Variants in KDM7A observed in about 807,000 individuals in gnomAD.
The protein encoded by KDM7A is lysine demethylase 7A.
KDM7A carries 28 observed loss-of-function variants against 114.8 expected under a neutral mutation model. The ratio of observed to expected loss-of-function variants is 0.24; its 90% confidence interval spans 0.18 to 0.33. The LOEUF is 0.33. Among genes scored for constraint, KDM7A ranks in the 10% least tolerant of loss-of-function variants. KDM7A has a pLI of 1.00. For synonymous variants in KDM7A, 423 were observed against 397.8 expected, an observed-to-expected ratio of 1.06 and a Z score of -0.75; for missense variants, 942 against 1,142.5, an observed-to-expected ratio of 0.82 and a Z score of 2.53.
chr7:140,147,683 A>G (rs1489583772), intron 1 of KDM7A, among the ~76,000 whole-genome samples: 1 of 152,214 alleles, frequency 6.6e-6, no homozygotes, highest in African/African-American at 2.4e-5. Flanking sequence ...CCGGGAATAC[A>G]GAGGATAGCT....
chr7:140,163,659 A>G (rs932519301), intron 1 of KDM7A, among the ~76,000 whole-genome samples: 5 of 152,122 alleles, frequency 3.3e-5, no homozygotes, highest in Non-Finnish European at 7.3e-5. Context: ...CAAAGGAAAC[A>G]TGGACCTTTC....
chr7:140,144,379 A>G (rs1794317141), intron 1 of KDM7A, among the ~76,000 whole-genome samples: 1 of 152,176 alleles, frequency 6.6e-6, no homozygotes, highest in Non-Finnish European at 1.5e-5. Context: ...TAAAGGTAAG[A>G]GCTAACACTA....
chr7:140,176,922 C>T lies in KDM7A; in HGVS notation c.16G>A (p.Ala6Thr). Residue 6 changes from alanine to threonine, a missense_variant, in exon 1 of 20, where the codon GCG (alanine) becomes ACG (threonine). By Grantham distance (58) the Ala-to-Thr change is moderately conservative. Coordinates refer to ENST00000397560, the MANE Select transcript of KDM7A (RefSeq NM_030647.2). The surrounding 1 kb of genome is among the most constrained non-coding windows in gnomAD (Gnocchi z 4.4). Reference sequence around the variant, plus strand: ...GCTGCTGCTCCCGCGGCCACCGCCGCCGCCGCTCCGGCCATCTTTAAAAAA... The same window carrying T: ...GCTGCTGCTCCCGCGGCCACCGCCGTCGCCGCTCCGGCCATCTTTAAAAAA... The part of the protein sequence containing the change: MAGAA[A>T]AVAAGAAAGA... 8.6e-7 allele frequency: 1 copy of T among 1,164,180 alleles called. No homozygotes were observed. Among genetic ancestry groups the T allele is most frequent in the Non-Finnish European group, 1.1e-6 (1 of 938,864 alleles). 72.1% of individuals were successfully genotyped at this position (1,164,180 alleles called of 1,614,324 possible). A position where few individuals can be genotyped will look rare whatever the true frequency, so the allele number is the denominator to read the frequency against.
chr7:140,114,315 G>A lies in KDM7A; in HGVS notation c.1247-733C>T, dbSNP rs558075027. On this transcript the variant is annotated intron_variant, in intron 9 of 19. Coordinates refer to ENST00000397560, the MANE Select transcript of KDM7A (RefSeq NM_030647.2). ...GCCGAGTGCCTGGGATTGCAGGCGCGCGCCACCACGCCTGATTGGTTTTCG... is the reference window on the plus strand; with the variant it reads ...GCCGAGTGCCTGGGATTGCAGGCGCACGCCACCACGCCTGATTGGTTTTCG... Among the ~76,000 whole-genome samples the A allele has an allele frequency of 2.8e-3, 425 of 152,192 alleles. 3 individuals are homozygous for A. Among genetic ancestry groups the A allele is most frequent in the African/African-American group, 9.6e-3 (400 of 41,522 alleles).
intron 1 of KDM7A, among the ~76,000 whole-genome samples, chr7:140,150,824 GTTC>G (rs1379755313): frequency 1.4e-5 from 2 of 140,494 alleles, no homozygotes; most frequent in Non-Finnish European, 3.1e-5. Flanking sequence ...AATAATCTCT[GTTC>G]TTTTTTTTTT....
intron 11 of KDM7A, among the ~76,000 whole-genome samples, chr7:140,110,205 CT>C: frequency 6.6e-6 from 1 of 152,110 alleles, no homozygotes; most frequent in Non-Finnish European, 1.5e-5. Flanking sequence ...AGAATCATAC[CT>C]TTCACAGTAA....
Position 140,170,183 on chromosome 7 carries a change from C to T in KDM7A, c.194+6561G>A, listed in dbSNP as rs952419593. Among the ~76,000 whole-genome samples the T allele has an allele frequency of 2.7e-5, 4 of 150,912 alleles. No individual in the cohort carries two copies. The East Asian group carries it at 7.7e-4, about 29-fold the overall frequency. On this transcript the variant is annotated intron_variant, in intron 1 of 19. Transcript: ENST00000397560. ...AAAATACACTCTAATAAAAAAAATC[C>T]ATTTATATAACAAGGATGAAAGCGG...
At chr7:140,142,033 A>AAAAGATATTTATATATCATATATATAT (rs1794288333) in intron 1 of KDM7A, among the ~76,000 whole-genome samples, 2 of 146,260 alleles carry the variant, frequency 1.4e-5, no homozygotes, top group Non-Finnish European at 3.0e-5. Context: ...TTTATATATT[A>AAAAGATATTTATATATCATATATATAT]AAAAGATATT....
chr7:140,168,022 C>T (rs1794597196), intron 1 of KDM7A, among the ~76,000 whole-genome samples: 1 of 152,146 alleles, frequency 6.6e-6, no homozygotes, highest in South Asian at 2.1e-4. Context: ...TGTTCAAACT[C>T]ATTTATAATT....
chr7:140,129,969 T>C (rs996346657), intron 3 of KDM7A, among the ~76,000 whole-genome samples: 2 of 152,124 alleles, frequency 1.3e-5, no homozygotes, highest in Non-Finnish European at 2.9e-5. Flanking sequence ...AATCCAAAAA[T>C]ACAAACTCTA....
At chr7:140,107,785 G>A (rs987513275) in intron 11 of KDM7A, among the ~76,000 whole-genome samples, 1 of 152,102 alleles carries the variant, frequency 6.6e-6, no homozygotes, top group Admixed American at 6.5e-5. Context: ...TCTTTGTGGC[G>A]TTCTCTGTAT....
intron 11 of KDM7A, among the ~76,000 whole-genome samples, chr7:140,110,712 T>G (rs978605817): frequency 6.6e-6 from 1 of 152,236 alleles, no homozygotes; most frequent in Non-Finnish European, 1.5e-5. Context: ...CCTCTCTCCA[T>G]CTCAGCTTCC....
intron 1 of KDM7A, among the ~76,000 whole-genome samples, chr7:140,156,850 T>G (rs1794463171): frequency 6.7e-6 from 1 of 148,510 alleles, no homozygotes; most frequent in Non-Finnish European, 1.5e-5. Flanking sequence ...CGGGTGGGGC[T>G]CCCACAGAGC....
intron 2 of KDM7A, among the ~76,000 whole-genome samples, chr7:140,136,948 C>A (rs1818880424): frequency 6.6e-6 from 1 of 151,608 alleles, no homozygotes; most frequent in East Asian, 1.9e-4. Context: ...GACTGTGCCA[C>A]TGCACTCCAG....
At chr7:140,091,275 T>C (rs992275879) in intron 19 of KDM7A, 87 bp from the exon 20 acceptor site, 24 of 910,114 alleles carry the variant, frequency 2.6e-5, no homozygotes, top group Admixed American at 2.3e-4. Flanking sequence ...GCTTTCTTTA[T>C]GGGAAGTAAG....
intron 3 of KDM7A, 101 bp downstream of exon 3, chr7:140,133,438 T>A (rs550813567): frequency 1.5e-6 from 1 of 667,520 alleles, no homozygotes; most frequent in East Asian, 2.5e-5. Context: ...CAATAATGGG[T>A]TGCAGCCTAA....
At chr7:140,093,602 G>A (rs1562943725) in intron 18 of KDM7A, among the ~76,000 whole-genome samples, 1 of 152,048 alleles carries the variant, frequency 6.6e-6, no homozygotes, top group Non-Finnish European at 1.5e-5. Flanking sequence ...CTGCTATTTT[G>A]GGTTCATTTG....
At position 140,176,380 on chromosome 7, in the gene KDM7A, G is replaced by A; in HGVS notation, c.194+364C>T. ...GGGCGGGGCGGGGCGGCGGCGGCCC[G>A]GGCTGGCGAGGGGCTGCGGACCCGG... On this transcript the variant is annotated intron_variant, in intron 1 of 19. Transcript: ENST00000397560. This position sits in a 1 kb window ranked among gnomAD's most constrained non-coding sequence, Gnocchi z 4.4. Among the ~76,000 whole-genome samples the A allele has an allele frequency of 7.0e-6, 1 of 143,822 alleles. No individual in the cohort carries two copies. The highest frequency in any genetic ancestry group is 6.9e-5 in the Admixed American group (1 of 14,556). The allele number at this position is 143,822 out of a possible 152,430, so 94.4% of individuals were successfully genotyped here. A position where few individuals can be genotyped will look rare whatever the true frequency, so the allele number is the denominator to read the frequency against.
At chr7:140,170,096 G>C (rs1794621829) in intron 1 of KDM7A, among the ~76,000 whole-genome samples, 2 of 151,996 alleles carry the variant, frequency 1.3e-5, no homozygotes, top group Non-Finnish European at 1.5e-5. Context: ...AATCATGAAG[G>C]TGAAATGTAT....
Sources: allele counts gnomAD v4.1 joint callset (sites outside exome capture counted in the v4.1 genomes callset), GRCh38; gene constraint gnomAD v4.1.1; non-coding constraint Gnocchi (gnomAD v3.1); transcripts MANE v1.5; gene names NCBI Gene and HGNC (gene_info 2026-07-23, HGNC 2026-07-21).